ASCC3: variants seen among roughly 807,000 people sequenced by gnomAD.
ASCC3 encodes the protein activating signal cointegrator 1 complex subunit 3.
In ASCC3, 158 loss-of-function variants were observed where a neutral mutation model predicts 256.3. The observed-to-expected ratio is 0.62, with a 90% CI of 0.54 to 0.70. The LOEUF (loss-of-function observed/expected upper bound fraction) is 0.70. ASCC3 is among the 30% of genes least tolerant of loss of function. The pLI, the probability that ASCC3 is intolerant of heterozygous loss-of-function variation, is 0.00. For synonymous variants in ASCC3, 948 were observed against 883.4 expected (o/e 1.07, Z -1.30); for missense variants, 2,259 against 2,626.0 (o/e 0.86, Z 3.05).
intron 40 of ASCC3, chr6:100,510,440 T>G (rs1285838083): frequency 3.9e-6 from 1 of 256,956 alleles, no homozygotes; most frequent in Non-Finnish European, 7.6e-6. Context: ...AATACCACAT[T>G]GGTAGATGAA....
intron 37 of ASCC3, among the ~76,000 whole-genome samples, chr6:100,533,176 T>G (rs184932321): frequency 6.6e-6 from 1 of 152,238 alleles, no homozygotes; most frequent in Non-Finnish European, 1.5e-5. Flanking sequence ...TGTGGCCTAG[T>G]GCCTTGGATT....
chr6:100,668,058 T>C (rs1312789974), intron 14 of ASCC3, among the ~76,000 whole-genome samples: 1 of 152,072 alleles, frequency 6.6e-6, no homozygotes, highest in African/African-American at 2.4e-5. Flanking sequence ...TACCTGTTTT[T>C]GTACATAAAA....
intron 36 of ASCC3, among the ~76,000 whole-genome samples, chr6:100,581,507 C>T (rs746848073): frequency 0.012 from 1,768 of 151,800 alleles, 17 homozygotes; most frequent in Non-Finnish European, 0.02. Context: ...GAGTAGGTTG[C>T]GAAAATTTTC....
chr6:100,799,258 A>G (rs1414924442), intron 7 of ASCC3, among the ~76,000 whole-genome samples, 173 bp downstream of exon 7: 1 of 152,118 alleles, frequency 6.6e-6, no homozygotes, highest in Non-Finnish European at 1.5e-5. Context: ...CTGAATATCT[A>G]CTATATGTCA....
chr6:100,589,769 C>T lies in ASCC3; in HGVS notation c.5416-1G>A, dbSNP rs773669071. 1 of 1,613,556 alleles carries T rather than the reference C, an allele frequency of 6.2e-7. No individual in the cohort carries two copies. On this transcript the variant is annotated splice_acceptor_variant, in intron 35 of 41. Coordinates refer to ENST00000369162, the MANE Select transcript of ASCC3 (RefSeq NM_006828.4). LOFTEE classifies it high-confidence loss of function. ...TTAGAGGTTCAATGCTGCGATTATCCTATTTCAAAAGAATAACAAATGAAG... is the reference window on the plus strand; with the variant it reads ...TTAGAGGTTCAATGCTGCGATTATCTTATTTCAAAAGAATAACAAATGAAG...
chr6:100,686,174 A>C (rs1178920265), intron 13 of ASCC3, among the ~76,000 whole-genome samples: 1 of 152,220 alleles, frequency 6.6e-6, no homozygotes, highest in Non-Finnish European at 1.5e-5. Context: ...TGTTGTGAGA[A>C]ATGAGACAAT....
At chr6:100,692,247 T>C (rs935316369) in intron 13 of ASCC3, among the ~76,000 whole-genome samples, 5 of 152,090 alleles carry the variant, frequency 3.3e-5, no homozygotes, top group African/African-American at 1.2e-4. Context: ...CAGTTCTCAA[T>C]GCTGTTTTTC....
chr6:100,510,979 T>C (rs534239063), intron 40 of ASCC3, among the ~76,000 whole-genome samples: 1 of 152,222 alleles, frequency 6.6e-6, no homozygotes, highest in African/African-American at 2.4e-5. Context: ...AATTAAGAGA[T>C]TTTCTGGCAT....
intron 36 of ASCC3, among the ~76,000 whole-genome samples, chr6:100,572,238 G>T (rs968053165): frequency 6.6e-5 from 10 of 152,252 alleles, no homozygotes; most frequent in African/African-American, 2.4e-4. Flanking sequence ...CCCTTATAAA[G>T]GAGACTCCAG....
intron 1 of ASCC3, among the ~76,000 whole-genome samples, chr6:100,875,291 GGAAATGTT>G (rs1773944544): frequency 6.6e-6 from 1 of 152,172 alleles, no homozygotes; most frequent in South Asian, 2.1e-4. Context: ...TTCTGGCTTA[GGAAATGTT>G]GAAGAGTGGA....
chr6:100,535,464 GTGT>G (rs1562100608), intron 37 of ASCC3, among the ~76,000 whole-genome samples: 1 of 115,634 alleles, frequency 8.6e-6, no homozygotes, highest in Non-Finnish European at 1.8e-5. Flanking sequence ...GCTGGTTTTC[GTGT>G]TTTTTTTTTT....
At chr6:100,533,718 C>T (rs1343745007) in intron 37 of ASCC3, among the ~76,000 whole-genome samples, 1 of 152,102 alleles carries the variant, frequency 6.6e-6, no homozygotes, top group Non-Finnish European at 1.5e-5. Context: ...GAAATAAATA[C>T]CATATATAGG....
At chr6:100,705,229 C>T (rs1562238849) in intron 13 of ASCC3, among the ~76,000 whole-genome samples, 2 of 151,988 alleles carry the variant, frequency 1.3e-5, no homozygotes, top group Non-Finnish European at 2.9e-5. Context: ...GAGTGGAACA[C>T]AACTGCCTCC....
intron 37 of ASCC3, chr6:100,530,159 G>A (rs967657980): frequency 2.9e-5 from 17 of 593,214 alleles, no homozygotes; most frequent in African/African-American, 2.8e-4. Context: ...ATGTGCATGT[G>A]TGTGAGATGT....
At chr6:100,858,171 A>G in intron 3 of ASCC3, 1 of 453,828 alleles carries the variant, frequency 2.2e-6, no homozygotes, top group Non-Finnish European at 2.9e-6. Flanking sequence ...GTATTACGTT[A>G]CATAAAGATA....
intron 37 of ASCC3, among the ~76,000 whole-genome samples, chr6:100,519,655 G>A (rs17303769): frequency 0.41 from 62,518 of 151,904 alleles, 13,461 homozygotes; most frequent in South Asian, 0.62. Flanking sequence ...AACTTGCAAT[G>A]TGGAGTAACT....
chr6:100,815,396 T>C (rs962814232), intron 4 of ASCC3, among the ~76,000 whole-genome samples: 9 of 151,086 alleles, frequency 6.0e-5, no homozygotes, highest in African/African-American at 2.0e-4. Flanking sequence ...ACATTCTTCA[T>C]AGAACTAAAA....
chr6:100,750,745 G>A (rs1038624313), intron 10 of ASCC3, among the ~76,000 whole-genome samples: 8 of 151,914 alleles, frequency 5.3e-5, no homozygotes, highest in Non-Finnish European at 1.0e-4. Flanking sequence ...AACATTAGAT[G>A]CTTAACAAAC....
In ASCC3 at chr6:100,639,553, A is replaced by C. The variant is rs149444347; in HGVS notation, c.3902-732T>G. Among the ~76,000 whole-genome samples, 3 of 152,304 alleles carry C rather than the reference A, an allele frequency of 2.0e-5. No homozygotes were observed. In the East Asian group the frequency reaches 5.8e-4, roughly 29 times the overall value. ...CTTTACTCTCAAGATTATTTCATGAAAGATAAATCCAGTCATTTGAAATTT... is the reference window on the plus strand; with the variant it reads ...CTTTACTCTCAAGATTATTTCATGACAGATAAATCCAGTCATTTGAAATTT... On this transcript the variant is annotated intron_variant, in intron 24 of 41. Coordinates refer to ENST00000369162, the MANE Select transcript of ASCC3 (RefSeq NM_006828.4).
Sources: allele counts gnomAD v4.1 joint callset (sites outside exome capture counted in the v4.1 genomes callset), GRCh38; gene constraint gnomAD v4.1.1; transcripts MANE v1.5; gene names NCBI Gene and HGNC (gene_info 2026-07-23, HGNC 2026-07-21).